Variants in NHS observed in about 807,000 individuals in gnomAD.
The protein encoded by NHS is actin remodeling regulator NHS.
Under a neutral mutation model 72.5 loss-of-function variants are expected in NHS, and 5 were observed. The observed-to-expected ratio is 0.07, with a 90% CI of 0.04 to 0.14. The LOEUF (loss-of-function observed/expected upper bound fraction) is 0.14. Ranked by LOEUF, NHS falls within the 10% of genes least tolerant of loss-of-function variation. The pLI, the probability that NHS is intolerant of heterozygous loss-of-function variation, is 1.00. For missense variants in NHS, 1,072 were observed against 1,355.7 expected (o/e 0.79, Z 3.29); for synonymous variants, 464 against 547.7 (o/e 0.85, Z 2.13).
At chrX:17,570,192 T>C (rs2065468079) in intron 1 of NHS, among the ~76,000 whole-genome samples, 1 of 112,205 alleles carries the variant, frequency 8.9e-6, no homozygotes, top group East Asian at 2.8e-4. Flanking sequence ...GTAGTTTTTT[T>C]CCAATTCTGT....
At chrX:17,499,154 C>G (rs1032948842) in intron 1 of NHS, among the ~76,000 whole-genome samples, 2 of 111,456 alleles carry the variant, frequency 1.8e-5, no homozygotes, top group African/African-American at 6.5e-5. Context: ...TGGCAGTGGA[C>G]CTCTCTGGCT....
intron 1 of NHS, among the ~76,000 whole-genome samples, chrX:17,398,558 G>T (rs1173736245): frequency 8.9e-6 from 1 of 112,363 alleles, no homozygotes; most frequent in Non-Finnish European, 1.9e-5. Context: ...AATTCTATGA[G>T]TTGGCAATTT....
chrX:17,574,423 C>G (rs773272692), intron 1 of NHS, among the ~76,000 whole-genome samples: 26 of 112,375 alleles, frequency 2.3e-4, no homozygotes, highest in Non-Finnish European at 3.2e-4. Flanking sequence ...TCCCCTCCCC[C>G]CACCAAGCTC....
chrX:17,678,291 T>TGAGA (rs1214341622), intron 1 of NHS, among the ~76,000 whole-genome samples: 97 of 105,615 alleles, frequency 9.2e-4, no homozygotes, highest in African/African-American at 3.5e-3. Flanking sequence ...TGTGTGTGTG[T>TGAGA]GTGAGAGAGA....
At chrX:17,397,300 A>G (rs1287285547) in intron 1 of NHS, among the ~76,000 whole-genome samples, 1 of 112,518 alleles carries the variant, frequency 8.9e-6, no homozygotes, top group Non-Finnish European at 1.9e-5. Flanking sequence ...AACAAATTCC[A>G]CAGAAATGAT....
intron 1 of NHS, among the ~76,000 whole-genome samples, chrX:17,516,780 C>T (rs1263419882): frequency 1.8e-5 from 2 of 110,232 alleles, no homozygotes; most frequent in Admixed American, 1.0e-4. Context: ...ATGGCACACA[C>T]ACACACACAC....
chrX:17,382,271 C>G (rs2064382098), intron 1 of NHS, among the ~76,000 whole-genome samples: 2 of 111,776 alleles, frequency 1.8e-5, no homozygotes, highest in African/African-American at 6.5e-5. Flanking sequence ...TACTGTCTTA[C>G]AGATGTCTTT....
chrX:17,436,572 G>A (rs1469125581), intron 1 of NHS, among the ~76,000 whole-genome samples: 5 of 106,489 alleles, frequency 4.7e-5, no homozygotes, highest in African/African-American at 1.7e-4. Flanking sequence ...GTCATATACT[G>A]CAGCCATTTT....
chrX:17,709,333 TCTC>T (rs1451768972), intron 3 of NHS, among the ~76,000 whole-genome samples: 1 of 111,414 alleles, frequency 9.0e-6, no homozygotes, highest in Non-Finnish European at 1.9e-5. Flanking sequence ...TCATGTCAGC[TCTC>T]CTCTCTGCCA....
chrX:17,712,253 GTATATATATATATATATATATA>G (rs1216194040), intron 3 of NHS, among the ~76,000 whole-genome samples: 5 of 50,152 alleles, frequency 1.0e-4, no homozygotes, highest in East Asian at 9.3e-4. Flanking sequence ...TTGTGTGTGT[GTATATATATATATATATATATA>G]TATATATATA....
chrX:17,554,343 T>C (rs1377206511), intron 1 of NHS, among the ~76,000 whole-genome samples: 1 of 112,174 alleles, frequency 8.9e-6, no homozygotes, highest in Non-Finnish European at 1.9e-5. Context: ...TCAGTGCCTT[T>C]CCTCAGAACA....
At chrX:17,704,315 G>T (rs1331954459) in intron 3 of NHS, among the ~76,000 whole-genome samples, 1 of 108,191 alleles carries the variant, frequency 9.2e-6, no homozygotes, top group African/African-American at 3.3e-5. Flanking sequence ...ATTTTTTTTT[G>T]AGATGGAGTC....
chrX:17,618,586 C>G (rs1343098345), intron 1 of NHS, among the ~76,000 whole-genome samples: 1 of 111,918 alleles, frequency 8.9e-6, no homozygotes, highest in Non-Finnish European at 1.9e-5. Context: ...ATGCAATGTA[C>G]AGACTTAAAT....
At chrX:17,702,899 C>T (rs1364078434) in intron 3 of NHS, among the ~76,000 whole-genome samples, 2 of 110,959 alleles carry the variant, frequency 1.8e-5, no homozygotes, top group African/African-American at 3.3e-5. Flanking sequence ...CTTGAGTCAT[C>T]CCACCTGGCC....
chrX:17,544,701 C>T (rs1005225003), intron 1 of NHS, among the ~76,000 whole-genome samples: 3 of 111,457 alleles, frequency 2.7e-5, no homozygotes, highest in Non-Finnish European at 3.8e-5. Flanking sequence ...TTAGTACAGA[C>T]GGAGTTTTGC....
At chrX:17,583,939 C>A (rs1290590945) in intron 1 of NHS, among the ~76,000 whole-genome samples, 8 of 111,907 alleles carry the variant, frequency 7.1e-5, no homozygotes, top group African/African-American at 2.6e-4. Context: ...ATGTGGCAAC[C>A]AGCAGATGTC....
At chrX:17,557,061 A>T (rs1010950747) in intron 1 of NHS, 5 of 108,206 alleles carry the variant, frequency 4.6e-5, no homozygotes, top group Non-Finnish European at 9.5e-5. Context: ...TACCATTTAT[A>T]TATAGATAGG....
At chrX:17,396,993 T>C (rs1479301974) in intron 1 of NHS, among the ~76,000 whole-genome samples, 1 of 112,711 alleles carries the variant, frequency 8.9e-6, no homozygotes, top group Non-Finnish European at 1.9e-5. Flanking sequence ...GACTTCTTTC[T>C]GGCCAGATTA....
chrX:17,667,991 G>A lies in NHS; in HGVS notation c.566-19751G>A, dbSNP rs751072377. Among the ~76,000 whole-genome samples, 7 of 106,759 alleles carry A rather than the reference G, an allele frequency of 6.6e-5. No individual in the cohort carries two copies. In the East Asian group the frequency reaches 2.1e-3, roughly 32 times the overall value. 92.7% of individuals were successfully genotyped at this position (106,759 alleles called of 115,157 possible). A position where few individuals can be genotyped will look rare whatever the true frequency, so the allele number is the denominator to read the frequency against. ...TTAAGGGCCAGGCATGGTGGCTCAT[G>A]CCTATAATCCTAACCCTTTGGGAGA... On this transcript the variant is annotated intron_variant, in intron 1 of 8. Coordinates refer to ENST00000676302, the MANE Select transcript of NHS (RefSeq NM_001291867.2).
Sources: gnomAD v4.1 joint callset for allele counts (sites outside exome capture counted in the v4.1 genomes callset) on GRCh38, gnomAD v4.1.1 for gene constraint, MANE v1.5 for transcripts, NCBI Gene and HGNC (gene_info 2026-07-23, HGNC 2026-07-21) for gene names.